ENOPH1: variants seen among roughly 807,000 people sequenced by gnomAD.
ENOPH1 encodes the protein enolase-phosphatase E1.
Under a neutral mutation model 31.1 loss-of-function variants are expected in ENOPH1, and 14 were observed. The ratio of observed to expected loss-of-function variants is 0.45; its 90% CI spans 0.30 to 0.70. ENOPH1 has a LOEUF of 0.70. Ranked by LOEUF, ENOPH1 falls within the 30% of genes least tolerant of loss-of-function variation. The pLI is 0.09. For synonymous variants in ENOPH1, 127 were observed against 123.2 expected, an observed-to-expected ratio of 1.03 and a Z score of -0.21; for missense variants, 243 against 321.5, an observed-to-expected ratio of 0.76 and a Z score of 1.87.
At chr4:82,438,256 A>G (rs1721958346) in intron 1 of ENOPH1, among the ~76,000 whole-genome samples, 1 of 152,224 alleles carries the variant, frequency 6.6e-6, no homozygotes, top group Admixed American at 6.5e-5. Context: ...TGCTCCTGCC[A>G]TCCAGAGGTG....
At chr4:82,433,257 CT>C (rs1560461566) in intron 1 of ENOPH1, among the ~76,000 whole-genome samples, 1 of 152,156 alleles carries the variant, frequency 6.6e-6, no homozygotes, top group Non-Finnish European at 1.5e-5. Context: ...CCTCCCCCAC[CT>C]TTTTCCCCAA....
chr4:82,457,622 C>T (rs1011536401), intron 5 of ENOPH1, among the ~76,000 whole-genome samples: 4 of 152,300 alleles, frequency 2.6e-5, no homozygotes, highest in Non-Finnish European at 4.4e-5. Flanking sequence ...GCTATGTACA[C>T]ACACACACAC....
intron 1 of ENOPH1, among the ~76,000 whole-genome samples, chr4:82,432,791 C>A (rs7673156): frequency 0.026 from 3,962 of 152,142 alleles, 159 homozygotes; most frequent in African/African-American, 0.09. Context: ...AGACGCGCAC[C>A]ACCACGCCCG....
intron 5 of ENOPH1, among the ~76,000 whole-genome samples, chr4:82,459,454 G>C (rs911990419): frequency 3.3e-5 from 5 of 152,078 alleles, no homozygotes; most frequent in Admixed American, 2.0e-4. Context: ...ACCACGCCCG[G>C]CTAATTTTTG....
intron 2 of ENOPH1, among the ~76,000 whole-genome samples, chr4:82,449,883 C>G (rs1392516754): frequency 1.3e-5 from 2 of 152,170 alleles, no homozygotes; most frequent in Non-Finnish European, 2.9e-5. Context: ...CCTTTGGTCT[C>G]CTGTGCTTTG....
chr4:82,442,126 A>G (rs772005250), intron 1 of ENOPH1, among the ~76,000 whole-genome samples: 4 of 152,238 alleles, frequency 2.6e-5, no homozygotes, highest in African/African-American at 4.8e-5. Flanking sequence ...TCTGCCTCAG[A>G]TAACTAGCTC....
intron 3 of ENOPH1, among the ~76,000 whole-genome samples, chr4:82,452,925 G>A (rs570131619): frequency 4.0e-4 from 54 of 133,622 alleles, no homozygotes; most frequent in Middle Eastern, 5.0e-3. Flanking sequence ...TTTTTGAGAC[G>A]GAGTCTTGCT....
chr4:82,456,885 T>C, intron 4 of ENOPH1, 30 bp from the exon 5 acceptor site: 1 of 1,610,608 alleles, frequency 6.2e-7, no homozygotes, highest in Non-Finnish European at 8.5e-7. Context: ...TGTATTTGTA[T>C]TGCCAGTCTT....
In ENOPH1 at chr4:82,460,069, C is replaced by G. The variant is rs771253652; in HGVS notation, c.735C>G (p.Tyr245Ter). The G allele has an allele frequency of 4.3e-6, 7 of 1,614,032 alleles. No individual in the cohort carries two copies. In the Admixed American group the frequency reaches 1.0e-4, roughly 23 times the overall value. The part of the protein sequence containing the change: ...NAGLTDDEKT[Y>*]YSLITSFSEL... ...GATTAACAGATGATGAGAAGACTTA[C>G]TACAGCCTCATCACATCCTTCAGTG... Residue 245 changes from tyrosine to a stop codon, truncating the protein, a stop_gained, in exon 6 of 6, where the codon TAC becomes TAG. Transcript: ENST00000273920. LOFTEE classifies it high-confidence loss of function.
At chr4:82,447,863 G>T (rs1029549462) in intron 1 of ENOPH1, 57 bp from the exon 2 acceptor site, 2 of 1,040,910 alleles carry the variant, frequency 1.9e-6, no homozygotes, top group East Asian at 2.6e-5. Context: ...GGAAGAACTG[G>T]ATCTTTTACA....
intron 3 of ENOPH1, among the ~76,000 whole-genome samples, chr4:82,451,860 CA>C (rs1722360743): frequency 6.6e-6 from 1 of 151,966 alleles, no homozygotes; most frequent in Non-Finnish European, 1.5e-5. Flanking sequence ...TGGCTCACTG[CA>C]GCCTTGACCT....
chr4:82,443,158 C>T (rs1303564732), intron 1 of ENOPH1, among the ~76,000 whole-genome samples: 6 of 152,016 alleles, frequency 3.9e-5, no homozygotes, highest in Non-Finnish European at 5.9e-5. Flanking sequence ...TATGTGGGGC[C>T]GGTCATGGTG....
At chr4:82,457,076 A>C in intron 5 of ENOPH1, 38 bp downstream of exon 5, 2 of 1,593,090 alleles carry the variant, frequency 1.3e-6, no homozygotes, top group Non-Finnish European at 1.7e-6. Flanking sequence ...ACTCCAGGAT[A>C]TGAACTGAGC....
intron 5 of ENOPH1, among the ~76,000 whole-genome samples, chr4:82,459,141 G>T (rs1052656916): frequency 6.6e-6 from 1 of 151,984 alleles, no homozygotes; most frequent in South Asian, 2.1e-4. Flanking sequence ...CCTAGTAAGC[G>T]CCATCTCTCT....
chr4:82,445,972 CTCCAGTG>C (rs1287571142), intron 1 of ENOPH1, among the ~76,000 whole-genome samples: 3 of 152,194 alleles, frequency 2.0e-5, no homozygotes, highest in Non-Finnish European at 4.4e-5. Flanking sequence ...GGCTTCATAA[CTCCAGTG>C]TCCTGCTCTC....
chr4:82,442,927 C>T (rs1313499898), intron 1 of ENOPH1, among the ~76,000 whole-genome samples: 1 of 152,068 alleles, frequency 6.6e-6, no homozygotes, highest in Non-Finnish European at 1.5e-5. Context: ...TGGGTTCAAG[C>T]AATTCTCATG....
At chr4:82,437,354 T>C (rs1408912775) in intron 1 of ENOPH1, among the ~76,000 whole-genome samples, 1 of 152,228 alleles carries the variant, frequency 6.6e-6, no homozygotes. Context: ...ATCAAAGTCC[T>C]CTGTAGTCTC....
intron 3 of ENOPH1, among the ~76,000 whole-genome samples, chr4:82,452,000 C>T (rs1339065313): frequency 6.6e-6 from 1 of 151,994 alleles, no homozygotes; most frequent in African/African-American, 2.4e-5. Context: ...AGGCTAGTCT[C>T]AAACTTCTGG....
chr4:82,450,179 T>C (rs1306936544), intron 2 of ENOPH1, among the ~76,000 whole-genome samples: 1 of 152,246 alleles, frequency 6.6e-6, no homozygotes, highest in Admixed American at 6.5e-5. Flanking sequence ...TCAGGGTTAA[T>C]CTGAAATACA....
Sources: gnomAD v4.1 joint callset for allele counts (sites outside exome capture counted in the v4.1 genomes callset) on GRCh38, gnomAD v4.1.1 for gene constraint, MANE v1.5 for transcripts, NCBI Gene and HGNC (gene_info 2026-07-23, HGNC 2026-07-21) for gene names.